Variants in LSAMP observed in about 807,000 individuals in gnomAD.
The protein encoded by LSAMP is limbic system-associated membrane protein.
LSAMP carries 7 observed loss-of-function variants against 38.6 expected under a neutral mutation model. The ratio of observed to expected loss-of-function variants is 0.18; its 90% confidence interval spans 0.10 to 0.34. The LOEUF is 0.34. Among genes scored for constraint, LSAMP ranks in the 10% least tolerant of loss-of-function variants. The pLI, the probability that LSAMP is intolerant of heterozygous loss-of-function variation, is 1.00. For missense variants in LSAMP, 313 were observed against 420.0 expected (o/e 0.75, Z 2.23); for synonymous variants, 154 against 166.8 (o/e 0.92, Z 0.59).
At chr3:115,923,439 T>C (rs1394402220) in intron 3 of LSAMP, among the ~76,000 whole-genome samples, 1 of 152,210 alleles carries the variant, frequency 6.6e-6, no homozygotes, top group Non-Finnish European at 1.5e-5. Flanking sequence ...AACTGGATTC[T>C]GGATTTCTCA....
intron 1 of LSAMP, among the ~76,000 whole-genome samples, chr3:116,245,257 CA>C (rs1476084582): frequency 2.6e-5 from 4 of 152,166 alleles, no homozygotes; most frequent in African/African-American, 9.6e-5. Flanking sequence ...CAGAAGTTGT[CA>C]ACCCTGCTGA....
intron 1 of LSAMP, among the ~76,000 whole-genome samples, chr3:116,164,967 A>G (rs1326506434): frequency 6.6e-6 from 1 of 151,888 alleles, no homozygotes; most frequent in East Asian, 1.9e-4. Context: ...TGCCTCTCTG[A>G]GCCTGACTCC....
intron 1 of LSAMP, among the ~76,000 whole-genome samples, chr3:116,318,752 C>G (rs1484729176): frequency 6.6e-6 from 1 of 152,184 alleles, no homozygotes; most frequent in Non-Finnish European, 1.5e-5. Flanking sequence ...ACCAAGGCCT[C>G]TTTAAGTATT....
Position 116,443,994 on chromosome 3 carries a change from A to G in LSAMP, c.155+883T>C, listed in dbSNP as rs1240726126. 2.0e-5 allele frequency among the ~76,000 whole-genome samples: 3 copies of G among 152,282 alleles called. No individual in the cohort carries two copies. The East Asian group carries it at 5.8e-4, about 29-fold the overall frequency. On this transcript the variant is annotated intron_variant, in intron 1 of 6. Coordinates refer to ENST00000490035, the MANE Select transcript of LSAMP (RefSeq NM_002338.5). The stretch of plus-strand genomic sequence containing the variant: ...AGCTCACAGTACCTGATAGGGGTCA[A>G]ACTCCCAAGGACTTGGGACTCTTCT...
At chr3:116,044,411 G>A (rs1397036077) in intron 2 of LSAMP, among the ~76,000 whole-genome samples, 2 of 152,010 alleles carry the variant, frequency 1.3e-5, no homozygotes, top group African/African-American at 4.8e-5. Context: ...GGTTTTAAAT[G>A]AACCCTATTA....
rs145344781 is a variant in LSAMP, at chr3:116,234,104, G to A, written c.156-147548C>T. The stretch of plus-strand genomic sequence containing the variant: ...AAATACAGTGATATCAAGGATCACG[G>A]AGTGGGCTGCACAGGACACAGCCTT... On this transcript the variant is annotated intron_variant, in intron 1 of 6. Coordinates refer to ENST00000490035, the MANE Select transcript of LSAMP (RefSeq NM_002338.5). Among the ~76,000 whole-genome samples the A allele has an allele frequency of 3.8e-3, 576 of 152,296 alleles. 5 individuals carry two copies. Among genetic ancestry groups the A allele is most frequent in the African/African-American group, 0.013 (552 of 41,558 alleles).
chr3:115,861,683 G>A (rs1405948722), intron 3 of LSAMP, among the ~76,000 whole-genome samples: 1 of 152,172 alleles, frequency 6.6e-6, no homozygotes, highest in Admixed American at 6.5e-5. Context: ...GAATCACTTG[G>A]CGAATTAGGA....
chr3:116,247,202 T>C (rs1475622774), intron 1 of LSAMP, among the ~76,000 whole-genome samples: 1 of 152,208 alleles, frequency 6.6e-6, no homozygotes, highest in Non-Finnish European at 1.5e-5. Context: ...GAGTAACCGC[T>C]GCCTGATATT....
chr3:116,053,258 T>C (rs770114331), intron 2 of LSAMP, among the ~76,000 whole-genome samples: 2 of 152,232 alleles, frequency 1.3e-5, no homozygotes, highest in African/African-American at 2.4e-5. Flanking sequence ...ATGCTTAGTG[T>C]CAGCTTTTCA....
rs151329711 is a variant in LSAMP at position 116,400,724 on chromosome 3, C to G, written c.155+44153G>C. Among the ~76,000 whole-genome samples the G allele has an allele frequency of 6.2e-3, 941 of 152,192 alleles. 10 individuals carry two copies. The highest frequency in any genetic ancestry group is 0.021 in the African/African-American group (893 of 41,540). On this transcript the variant is annotated intron_variant, in intron 1 of 6. Transcript: ENST00000490035. ...AACTCCTGACCTCAGGTGATCCACC[C>G]GCCTCGGCCTCCCAAAGTGCTGGGA...
intron 1 of LSAMP, among the ~76,000 whole-genome samples, chr3:116,427,277 C>A (rs541360846): frequency 6.6e-6 from 1 of 151,384 alleles, no homozygotes; most frequent in Non-Finnish European, 1.5e-5. Flanking sequence ...CCCACCACCG[C>A]GCCCGGCTAA....
intron 2 of LSAMP, among the ~76,000 whole-genome samples, chr3:116,050,323 C>G (rs1194138143): frequency 6.6e-6 from 1 of 152,130 alleles, no homozygotes; most frequent in Non-Finnish European, 1.5e-5. Context: ...CCTGATGTTA[C>G]TAGCCCCAGA....
At chr3:116,251,598 A>G (rs1014503524) in intron 1 of LSAMP, among the ~76,000 whole-genome samples, 1 of 152,248 alleles carries the variant, frequency 6.6e-6, no homozygotes, top group Non-Finnish European at 1.5e-5. Context: ...GCTCCTTTAA[A>G]GAAACTAAAT....
Position 115,842,510 on chromosome 3 carries a change from C to T in LSAMP, c.718G>A (p.Glu240Lys). 1 of 1,613,972 alleles carries T rather than the reference C, an allele frequency of 6.2e-7. No individual in the cohort carries two copies. Among genetic ancestry groups the T allele is most frequent in the Non-Finnish European group, 8.5e-7 (1 of 1,179,908 alleles). The change falls in exon 5 of 7, where the codon GAG becomes AAG. Residue 240 changes from glutamate to lysine, a missense_variant. Transcript: ENST00000490035. ...TCAGGTGCAGGCACTGCCGAGGCCT[C>T]ACATTTGAGTGAAGCTTGTCGTCCT... Reference protein sequence around the residue: ...TTGRQASLKCEASAVPAPDFE... With the variant: ...TTGRQASLKCKASAVPAPDFE...
chr3:116,408,622 C>T (rs1360544020), intron 1 of LSAMP, among the ~76,000 whole-genome samples: 2 of 151,998 alleles, frequency 1.3e-5, no homozygotes, highest in East Asian at 1.9e-4. Flanking sequence ...TCATAGCCAC[C>T]GTGCATGATA....
chr3:116,085,077 G>C (rs965295739), intron 2 of LSAMP, among the ~76,000 whole-genome samples: 2 of 152,108 alleles, frequency 1.3e-5, no homozygotes, highest in Admixed American at 6.5e-5. Context: ...TAAATAGGTT[G>C]CCTAAGATCC....
chr3:116,324,588 C>T (rs1392890855), intron 1 of LSAMP, among the ~76,000 whole-genome samples: 1 of 152,158 alleles, frequency 6.6e-6, no homozygotes, highest in South Asian at 2.1e-4. Flanking sequence ...TTCTTACACA[C>T]CTGAATCACA....
At chr3:116,184,551 G>T (rs1440121399) in intron 1 of LSAMP, among the ~76,000 whole-genome samples, 1 of 151,840 alleles carries the variant, frequency 6.6e-6, no homozygotes, top group Non-Finnish European at 1.5e-5. Flanking sequence ...TGGGATTTGG[G>T]GGTATCTTTA....
chr3:115,810,074 C>G lies in LSAMP; in HGVS notation c.*243G>C, dbSNP rs535403439. 8.8e-6 allele frequency: 4 copies of G among 455,318 alleles called. No individual in the cohort carries two copies. In the East Asian group the frequency reaches 1.7e-4, roughly 19 times the overall value. 28.2% of individuals were successfully genotyped at this position (455,318 alleles called of 1,614,324 possible). The stretch of plus-strand genomic sequence containing the variant: ...TTTGCTTAGTAGATATAAACATATC[C>G]CAGTAGAACCTTCTCCATCCTGAAT... On this transcript the variant is annotated 3_prime_UTR_variant, in exon 7 of 7. Coordinates refer to ENST00000490035, the MANE Select transcript of LSAMP (RefSeq NM_002338.5).
Sources: allele counts gnomAD v4.1 joint callset (sites outside exome capture counted in the v4.1 genomes callset), GRCh38; gene constraint gnomAD v4.1.1; transcripts MANE v1.5; gene names NCBI Gene and HGNC (gene_info 2026-07-23, HGNC 2026-07-21).